Variants in CLOCK observed in about 807,000 individuals in gnomAD.
CLOCK encodes circadian locomoter output cycles protein kaput.
A neutral mutation model predicts 118.4 loss-of-function variants in CLOCK; 43 were observed. The ratio of observed to expected loss-of-function variants is 0.36; its 90% CI spans 0.28 to 0.47. CLOCK has a LOEUF of 0.47. Among genes scored for constraint, CLOCK ranks in the 20% least tolerant of loss-of-function variants. CLOCK has a pLI of 1.00. For missense variants in CLOCK, 846 were observed against 999.9 expected, an observed-to-expected ratio of 0.85 and a Z score of 2.08; for synonymous variants, 326 against 339.2, an observed-to-expected ratio of 0.96 and a Z score of 0.43.
chr4:55,533,410 T>G (rs1055218882), intron 1 of CLOCK, among the ~76,000 whole-genome samples: 3 of 152,126 alleles, frequency 2.0e-5, no homozygotes, highest in Admixed American at 2.0e-4. Flanking sequence ...AAACTGAATA[T>G]CCACATGCCA....
Position 55,492,634 on chromosome 4 carries a change from C to T in CLOCK, c.-135-3169G>A, listed in dbSNP as rs375265702. Among the ~76,000 whole-genome samples the T allele has an allele frequency of 2.0e-4, 30 of 152,212 alleles. No individual in the cohort carries two copies. In the East Asian group the frequency reaches 5.4e-3, roughly 27 times the overall value. On this transcript the variant is annotated intron_variant, in intron 2 of 22. Transcript: ENST00000513440. ...CTAAGGTGGGTAGATCACTTGAGGTCATGAGTTCAAAAACAGCCTGGCTAA... is the reference window on the plus strand; with the variant it reads ...CTAAGGTGGGTAGATCACTTGAGGTTATGAGTTCAAAAACAGCCTGGCTAA...
intron 2 of CLOCK, among the ~76,000 whole-genome samples, chr4:55,499,643 T>C (rs892031976): frequency 6.6e-6 from 1 of 152,224 alleles, no homozygotes; most frequent in African/African-American, 2.4e-5. Flanking sequence ...TGCGGCCTGG[T>C]TCCTAACAGG....
At chr4:55,510,624 C>CTTT (rs60167961) in intron 1 of CLOCK, among the ~76,000 whole-genome samples, 1 of 101,376 alleles carries the variant, frequency 9.9e-6, no homozygotes, top group South Asian at 3.9e-4. Context: ...AAGACTCTGT[C>CTTT]TTTTTAAAAA....
intron 8 of CLOCK, among the ~76,000 whole-genome samples, chr4:55,468,130 A>T (rs1365303925): frequency 6.6e-6 from 1 of 152,026 alleles, no homozygotes; most frequent in Non-Finnish European, 1.5e-5. Flanking sequence ...CTATTTTTTT[A>T]ATTTTTTTGT....
intron 2 of CLOCK, among the ~76,000 whole-genome samples, chr4:55,499,717 G>A (rs779421610): frequency 6.6e-6 from 1 of 152,268 alleles, no homozygotes; most frequent in East Asian, 1.9e-4. Context: ...TCTATCCTCC[G>A]CATGCATCTC....
At chr4:55,523,433 G>T (rs1166709701) in intron 1 of CLOCK, among the ~76,000 whole-genome samples, 1 of 152,142 alleles carries the variant, frequency 6.6e-6, no homozygotes, top group Non-Finnish European at 1.5e-5. Flanking sequence ...TTGGTCCAAT[G>T]GACCCTTTAT....
chr4:55,448,600 G>GCGCGCA (rs1553891232), intron 18 of CLOCK, among the ~76,000 whole-genome samples, 179 bp downstream of exon 18: 1 of 52,084 alleles, frequency 1.9e-5, no homozygotes, highest in African/African-American at 8.9e-5. Context: ...GCGCACGCGC[G>GCGCGCA]CGTGTGTGTG....
At chr4:55,489,134 T>C (rs1269682289) in intron 3 of CLOCK, among the ~76,000 whole-genome samples, 3 of 152,246 alleles carry the variant, frequency 2.0e-5, no homozygotes, top group Non-Finnish European at 4.4e-5. Flanking sequence ...ATTATTCTTC[T>C]TCTAGAAGGC....
At chr4:55,502,643 A>G (rs1728516740) in intron 2 of CLOCK, among the ~76,000 whole-genome samples, 1 of 152,210 alleles carries the variant, frequency 6.6e-6, no homozygotes, top group Admixed American at 6.5e-5. Flanking sequence ...TAAATGAAAC[A>G]TAAAAAGCGT....
At chr4:55,447,876 A>C (rs1723998840) in intron 18 of CLOCK, among the ~76,000 whole-genome samples, 1 of 152,238 alleles carries the variant, frequency 6.6e-6, no homozygotes, top group Admixed American at 6.5e-5. Context: ...AGTTGAAGAA[A>C]AATACTACTT....
At chr4:55,442,028 T>C (rs998261429) in intron 21 of CLOCK, among the ~76,000 whole-genome samples, 1 of 152,168 alleles carries the variant, frequency 6.6e-6, no homozygotes, top group Non-Finnish European at 1.5e-5. Flanking sequence ...TAAATGACTA[T>C]TTGAGATAAT....
In CLOCK at chr4:55,470,787, A is replaced by G; in HGVS notation, c.368T>C (p.Leu123Ser). 3 of 1,575,196 alleles carry G rather than the reference A, an allele frequency of 1.9e-6. No homozygotes were observed. Among genetic ancestry groups the G allele is most frequent in the Non-Finnish European group, 2.6e-6 (3 of 1,150,040 alleles). Reference protein sequence around the residue: ...LMLEALDGFFLAIMTDGSIIY... With the variant: ...LMLEALDGFFSAIMTDGSIIY... ...TATGCTTCCATCTGTCATGATTGCT[A>G]AAAAAAAACCATCAAGAGCCTGAAA... Residue 123 changes from leucine to serine, a missense_variant, in exon 8 of 23, where the codon TTA becomes TCA. Leu to Ser is a moderately radical substitution (Grantham distance 145). Coordinates refer to ENST00000513440, the MANE Select transcript of CLOCK (RefSeq NM_004898.4).
intron 22 of CLOCK, among the ~76,000 whole-genome samples, chr4:55,435,800 T>C (rs1722834928): frequency 6.6e-6 from 1 of 152,236 alleles, no homozygotes; most frequent in Admixed American, 6.5e-5. Context: ...AGAGTTTCAT[T>C]TTTTAAAGGA....
intron 1 of CLOCK, among the ~76,000 whole-genome samples, chr4:55,542,171 T>C (rs973241487): frequency 5.9e-5 from 4 of 67,386 alleles, no homozygotes; most frequent in Admixed American, 2.1e-4. Flanking sequence ...AGAAACACCG[T>C]TGTCTACTAA....
At chr4:55,535,095 A>ATTTTTTTCTAT (rs1730803969) in intron 1 of CLOCK, among the ~76,000 whole-genome samples, 1 of 151,754 alleles carries the variant, frequency 6.6e-6, no homozygotes, top group Non-Finnish European at 1.5e-5. Context: ...TGTCTGGCTA[A>ATTTTTTTCTAT]TTTTTTTCTA....
chr4:55,501,987 A>G (rs901844340), intron 2 of CLOCK, among the ~76,000 whole-genome samples: 14 of 152,216 alleles, frequency 9.2e-5, no homozygotes. Context: ...CAATATCATT[A>G]TCATATCTTA....
At chr4:55,503,587 A>G (rs1209879039) in intron 2 of CLOCK, among the ~76,000 whole-genome samples, 2 of 152,222 alleles carry the variant, frequency 1.3e-5, no homozygotes, top group Non-Finnish European at 2.9e-5. Flanking sequence ...TATGTGTGTT[A>G]TAATTTGATG....
intron 8 of CLOCK, among the ~76,000 whole-genome samples, chr4:55,468,873 G>T (rs1337556268): frequency 6.6e-6 from 1 of 152,164 alleles, no homozygotes; most frequent in Non-Finnish European, 1.5e-5. Context: ...GTGGCCCTAA[G>T]ATTACAGTGG....
chr4:55,541,466 A>G (rs1012325948), intron 1 of CLOCK, among the ~76,000 whole-genome samples: 3 of 152,358 alleles, frequency 2.0e-5, no homozygotes, highest in Non-Finnish European at 4.4e-5. Context: ...AAACATCAAA[A>G]GGTTTAGCTA....
Sources: allele counts gnomAD v4.1 joint callset (sites outside exome capture counted in the v4.1 genomes callset), GRCh38; gene constraint gnomAD v4.1.1; transcripts MANE v1.5; gene names NCBI Gene and HGNC (gene_info 2026-07-23, HGNC 2026-07-21).